Variants in RASSF8 observed in about 807,000 individuals in gnomAD.
RASSF8 encodes ras association domain-containing protein 8.
Under a neutral mutation model 48.5 loss-of-function variants are expected in RASSF8, and 22 were observed. The observed-to-expected ratio is 0.45, with a 90% CI of 0.32 to 0.65. The LOEUF is 0.65. Among genes scored for constraint, RASSF8 ranks in the 30% least tolerant of loss-of-function variants. The pLI is 0.03. For synonymous variants in RASSF8, 127 were observed against 171.5 expected (o/e 0.74, Z 2.03); for missense variants, 418 against 489.2 (o/e 0.85, Z 1.37).
intron 2 of RASSF8, among the ~76,000 whole-genome samples, chr12:25,997,264 T>TC (rs1400747053): frequency 1.3e-5 from 2 of 152,164 alleles, no homozygotes. Flanking sequence ...ATCCCCCCTT[T>TC]CTAGTACCTT....
intron 2 of RASSF8, among the ~76,000 whole-genome samples, chr12:26,041,727 T>C (rs1031889764): frequency 2.6e-5 from 4 of 152,128 alleles, no homozygotes; most frequent in Non-Finnish European, 4.4e-5. Context: ...AGATCAGTCT[T>C]AAAATGGAAA....
chr12:25,985,450 A>G (rs972417219), intron 1 of RASSF8, among the ~76,000 whole-genome samples: 10 of 152,146 alleles, frequency 6.6e-5, no homozygotes, highest in African/African-American at 1.4e-4. Flanking sequence ...TTCAGAGACT[A>G]TCGTATGGTT....
chr12:26,040,525 A>G (rs183758101), intron 2 of RASSF8, among the ~76,000 whole-genome samples: 53 of 152,302 alleles, frequency 3.5e-4, no homozygotes, highest in Non-Finnish European at 7.2e-4. Context: ...TTGTGCCACA[A>G]AGTTTGAGAA....
chr12:26,004,635 T>C (rs1034075852), intron 2 of RASSF8, among the ~76,000 whole-genome samples: 3 of 152,120 alleles, frequency 2.0e-5, no homozygotes, highest in Admixed American at 6.6e-5. Context: ...TAAGAAAATC[T>C]TAAGGAAGAG....
Position 25,986,926 on chromosome 12 carries a change from T to TG in RASSF8, c.-202-8111_-202-8110insG, listed in dbSNP as rs57041013. Among the ~76,000 whole-genome samples the TG allele has an allele frequency of 3.6e-3, 523 of 146,694 alleles. 6 individuals carry two copies. The highest frequency in any genetic ancestry group is 0.011 in the African/African-American group (433 of 39,398). On this transcript the variant is annotated intron_variant, in intron 1 of 5. Transcript: ENST00000689635. ...GCAGGATTGAACTACCGTTTTTTTTTTTTGTTTGTTTGTTTGTTTGTTTGT... is the reference window on the plus strand; with the variant it reads ...GCAGGATTGAACTACCGTTTTTTTTTGTTTGTTTGTTTGTTTGTTTGTTTGT...
chr12:26,021,278 C>T (rs954122266), intron 2 of RASSF8, among the ~76,000 whole-genome samples: 112 of 152,260 alleles, frequency 7.4e-4, no homozygotes, highest in African/African-American at 2.5e-3. Flanking sequence ...TTGGTCAGAA[C>T]AGCAAGTCCT....
intron 2 of RASSF8, among the ~76,000 whole-genome samples, chr12:25,997,883 T>C (rs1302266891): frequency 1.3e-5 from 2 of 152,224 alleles, no homozygotes; most frequent in African/African-American, 4.8e-5. Flanking sequence ...CATGTTTCAG[T>C]GCTTTGAAAC....
chr12:25,985,688 A>G (rs1053402116), intron 1 of RASSF8, among the ~76,000 whole-genome samples: 2 of 152,210 alleles, frequency 1.3e-5, no homozygotes, highest in Non-Finnish European at 2.9e-5. Context: ...CCCATCTTAC[A>G]GATGTGGAAT....
chr12:25,969,318 A>G (rs1202351085), intron 1 of RASSF8, among the ~76,000 whole-genome samples: 2 of 152,244 alleles, frequency 1.3e-5, no homozygotes, highest in Non-Finnish European at 2.9e-5. Flanking sequence ...GATTAGTTCC[A>G]TAACTTCTCT....
chr12:26,068,567 C>A (rs1943932933), intron 5 of RASSF8, 130 bp from the exon 6 acceptor site: 2 of 705,262 alleles, frequency 2.8e-6, no homozygotes, highest in East Asian at 2.7e-5. Context: ...CAGCCCAGGG[C>A]ACACAGGGGA....
At chr12:26,005,880 G>C (rs1006697242) in intron 2 of RASSF8, among the ~76,000 whole-genome samples, 2 of 152,170 alleles carry the variant, frequency 1.3e-5, no homozygotes, top group Non-Finnish European at 1.5e-5. Flanking sequence ...CAATACTTGT[G>C]ACAGTTTCCC....
intron 2 of RASSF8, among the ~76,000 whole-genome samples, chr12:26,037,807 G>C (rs566185817): frequency 6.0e-4 from 91 of 152,294 alleles, no homozygotes; most frequent in African/African-American, 2.2e-3. Flanking sequence ...GCTGTGTCCT[G>C]AAACCAAGAG....
At chr12:26,003,966 C>T (rs1942324108) in intron 2 of RASSF8, among the ~76,000 whole-genome samples, 1 of 152,046 alleles carries the variant, frequency 6.6e-6, no homozygotes, top group African/African-American at 2.4e-5. Flanking sequence ...CACTTGAACC[C>T]AGGAGTTTGA....
chr12:25,979,128 C>T (rs548683652), intron 1 of RASSF8, among the ~76,000 whole-genome samples: 1 of 152,278 alleles, frequency 6.6e-6, no homozygotes, highest in Admixed American at 6.5e-5. Flanking sequence ...CCCAATCATT[C>T]TTCCAATCAC....
At chr12:26,030,307 TG>T (rs1400941727) in intron 2 of RASSF8, among the ~76,000 whole-genome samples, 10 of 151,784 alleles carry the variant, frequency 6.6e-5, no homozygotes, top group Non-Finnish European at 1.5e-4. Flanking sequence ...AAGTATTTTC[TG>T]TGACAGTGTA....
At chr12:26,020,552 G>C (rs997017062) in intron 2 of RASSF8, 3 of 152,114 alleles carry the variant, frequency 2.0e-5, no homozygotes, top group Admixed American at 2.0e-4. Context: ...ATTGTTTTCA[G>C]TGCGGGTGAG....
Position 26,072,023 on chromosome 12 carries a change from G to A in RASSF8, c.*3205G>A. ...ACATCTTCCAAGATAGAACTGTAAT[G>A]GATTGAGGAAATAACACAGAAAAGA... is the stretch of plus-strand genomic sequence containing the variant. On this transcript the variant is annotated 3_prime_UTR_variant, in exon 6 of 6. Transcript: ENST00000689635. The A allele has an allele frequency of 2.0e-6, 2 of 985,354 alleles. No individual in the cohort carries two copies. The highest frequency in any genetic ancestry group is 2.4e-6 in the Non-Finnish European group (2 of 829,882). The allele number at this position is 985,354 out of a possible 1,614,324, so 61.0% of individuals were successfully genotyped here.
At chr12:26,034,615 G>T (rs1943094551) in intron 2 of RASSF8, among the ~76,000 whole-genome samples, 1 of 152,022 alleles carries the variant, frequency 6.6e-6, no homozygotes, top group Non-Finnish European at 1.5e-5. Flanking sequence ...GGGAGAAAAA[G>T]ATCATTATTC....
In RASSF8 at chr12:26,071,310, G is replaced by A. The variant is rs1197481675; in HGVS notation, c.*2492G>A. 3.1e-6 allele frequency: 3 copies of A among 980,002 alleles called. No individual in the cohort carries two copies. In the Admixed American group the frequency reaches 1.8e-4, roughly 60 times the overall value. 60.7% of individuals were successfully genotyped at this position (980,002 alleles called of 1,614,324 possible). On this transcript the variant is annotated 3_prime_UTR_variant, in exon 6 of 6. Coordinates refer to ENST00000689635, the MANE Select transcript of RASSF8 (RefSeq NM_001394098.1). ...ATCCTGGATACATTTCGGAGGGGTA[G>A]TGGGCAATGGTATACAAAAATACCA...
Sources: gnomAD v4.1 joint callset for allele counts (sites outside exome capture counted in the v4.1 genomes callset) on GRCh38, gnomAD v4.1.1 for gene constraint, MANE v1.5 for transcripts, NCBI Gene and HGNC (gene_info 2026-07-23, HGNC 2026-07-21) for gene names.